COPG2: variants seen among roughly 807,000 people sequenced by gnomAD.
COPG2 encodes the protein coat protein complex I subunit gamma 2.
In COPG2, 37 loss-of-function variants were observed where a neutral mutation model predicts 46.3. The ratio of observed to expected loss-of-function variants is 0.80; its 90% CI spans 0.61 to 1.05. The LOEUF is 1.05. Ranked by LOEUF, COPG2 falls within the 50% of genes least tolerant of loss-of-function variation. The probability of loss-of-function intolerance (pLI) is 0.00; values close to 1 mark genes in which losing one functional copy is unlikely to be tolerated. For synonymous variants in COPG2, 159 were observed against 129.7 expected (o/e 1.23, Z -1.53); for missense variants, 427 against 387.8 (o/e 1.10, Z -0.85).
intron 17 of COPG2, 126 bp from the exon 18 acceptor site, chr7:130,549,502 T>C: frequency 2.5e-6 from 1 of 396,548 alleles, no homozygotes; most frequent in Non-Finnish European, 4.4e-6. Context: ...TAGATCATAC[T>C]TATAGGTTAT....
At chr7:130,657,266 A>G (rs1554460025) in intron 4 of COPG2, among the ~76,000 whole-genome samples, 1 of 152,058 alleles carries the variant, frequency 6.6e-6, no homozygotes, top group Non-Finnish European at 1.5e-5. Context: ...TGGATATTCA[A>G]TTGTTCCAGA....
intron 9 of COPG2, among the ~76,000 whole-genome samples, chr7:130,573,521 TAA>T (rs1357269962): frequency 3.3e-5 from 5 of 152,008 alleles, no homozygotes; most frequent in Non-Finnish European, 7.4e-5. Context: ...CACAGGAACG[TAA>T]AAGTGGTTTA....
intron 4 of COPG2, 98 bp from the exon 5 acceptor site, chr7:130,653,046 A>G: frequency 1.3e-6 from 1 of 747,148 alleles, no homozygotes; most frequent in Non-Finnish European, 2.2e-6. Context: ...TATTTTAGAA[A>G]GATATTCTTT....
intron 5 of COPG2, chr7:130,645,391 T>C (rs1178124131): frequency 5.7e-6 from 3 of 530,100 alleles, no homozygotes; most frequent in Non-Finnish European, 1.1e-5. Flanking sequence ...CAGGACCGAC[T>C]CCATGGGCTC....
intron 20 of COPG2, chr7:130,546,998 T>TG (rs1191215977): frequency 2.0e-5 from 3 of 152,152 alleles, no homozygotes; most frequent in Admixed American, 6.5e-5. Context: ...AAAATGATGA[T>TG]GGGGGGAATC....
At chr7:130,523,010 T>C (rs1038596116) in intron 20 of COPG2, among the ~76,000 whole-genome samples, 4 of 149,842 alleles carry the variant, frequency 2.7e-5, no homozygotes, top group Admixed American at 2.0e-4. Flanking sequence ...TCCCAGCTAC[T>C]TGGGAGGCTG....
At chr7:130,524,475 G>A (rs1269137702) in intron 20 of COPG2, among the ~76,000 whole-genome samples, 1 of 152,172 alleles carries the variant, frequency 6.6e-6, no homozygotes, top group Non-Finnish European at 1.5e-5. Context: ...ACATGGGAGA[G>A]GAGGACAGAG....
chr7:130,597,541 T>C (rs554874253), intron 9 of COPG2, among the ~76,000 whole-genome samples: 5 of 152,088 alleles, frequency 3.3e-5, no homozygotes, highest in African/African-American at 9.6e-5. Context: ...CCGAACAATA[T>C]ACTGTAAAGG....
intron 9 of COPG2, among the ~76,000 whole-genome samples, chr7:130,598,352 G>A (rs1372106474): frequency 6.6e-6 from 1 of 152,072 alleles, no homozygotes; most frequent in African/African-American, 2.4e-5. Flanking sequence ...TCCAAGATGT[G>A]GATGACATCC....
intron 9 of COPG2, among the ~76,000 whole-genome samples, chr7:130,598,324 T>C (rs1794568627): frequency 6.6e-6 from 1 of 152,116 alleles, no homozygotes; most frequent in South Asian, 2.1e-4. Flanking sequence ...GAGCTAGAGG[T>C]AGAAAGGGAA....
chr7:130,557,777 G>T (rs1384756556), intron 12 of COPG2, among the ~76,000 whole-genome samples: 8 of 113,566 alleles, frequency 7.0e-5, no homozygotes, highest in African/African-American at 2.7e-4. Flanking sequence ...AGATCACGCC[G>T]TTGCACTCCA....
chr7:130,557,730 G>A (rs1052095385), intron 12 of COPG2, among the ~76,000 whole-genome samples: 26 of 142,318 alleles, frequency 1.8e-4, no homozygotes, highest in Non-Finnish European at 2.9e-4. Flanking sequence ...CAGGAGAATC[G>A]CTTGAACCTG....
chr7:130,513,112 C>T (rs1161731971), intron 20 of COPG2, among the ~76,000 whole-genome samples: 1 of 150,566 alleles, frequency 6.6e-6, no homozygotes, highest in Non-Finnish European at 1.5e-5. Context: ...ATGGTGAAAC[C>T]CCATCTCTAC....
At chr7:130,595,848 C>G (rs1256716184) in intron 9 of COPG2, among the ~76,000 whole-genome samples, 1 of 152,160 alleles carries the variant, frequency 6.6e-6, no homozygotes, top group Non-Finnish European at 1.5e-5. Context: ...GGCCATCCAG[C>G]CCAGAGCATC....
At position 130,611,116 on chromosome 7, in the gene COPG2, G is replaced by T; in HGVS notation, c.580-6C>A. On this transcript the variant is annotated splice_polypyrimidine_tract_variant and splice_region_variant and intron_variant, in intron 8 of 23. Coordinates refer to ENST00000425248, the MANE Select transcript of COPG2 (RefSeq NM_012133.6). The stretch of plus-strand genomic sequence containing the variant: ...AGGACTCCCAATGCATGGTACTAAA[G>T]AACATGAAAAAGAAGGTAGCACATG... The T allele has an allele frequency of 6.2e-7, 1 of 1,607,264 alleles. No individual in the cohort carries two copies.
intron 9 of COPG2, among the ~76,000 whole-genome samples, chr7:130,582,299 G>C (rs1554447303): frequency 6.8e-6 from 1 of 147,122 alleles, no homozygotes; most frequent in African/African-American, 2.5e-5. Flanking sequence ...GCCATATGTA[G>C]AAAGCTGAAA....
intron 20 of COPG2, among the ~76,000 whole-genome samples, chr7:130,531,468 T>C (rs996341315): frequency 8.5e-4 from 129 of 151,452 alleles, no homozygotes; most frequent in African/African-American, 2.8e-3. Flanking sequence ...AAAGGGACAA[T>C]AGTCAACACC....
chr7:130,635,434 C>G (rs1554455961), intron 5 of COPG2, among the ~76,000 whole-genome samples: 1 of 152,008 alleles, frequency 6.6e-6, no homozygotes, highest in Admixed American at 6.6e-5. Context: ...CTGATTTAGT[C>G]TCGGGAGGGT....
At chr7:130,570,997 G>A (rs1554445461) in intron 9 of COPG2, among the ~76,000 whole-genome samples, 1 of 152,156 alleles carries the variant, frequency 6.6e-6, no homozygotes, top group African/African-American at 2.4e-5. Context: ...GGCTAGCCAT[G>A]CGTAGGAGAA....
Sources: gnomAD v4.1 joint callset for allele counts (sites outside exome capture counted in the v4.1 genomes callset) on GRCh38, gnomAD v4.1.1 for gene constraint, MANE v1.5 for transcripts, NCBI Gene and HGNC (gene_info 2026-07-23, HGNC 2026-07-21) for gene names.